Variants in ROR2 observed in about 807,000 individuals in gnomAD.
ROR2 encodes tyrosine-protein kinase transmembrane receptor ROR2.
In ROR2, 33 loss-of-function variants were observed where a neutral mutation model predicts 74.9. The observed-to-expected ratio is 0.44, with a 90% CI of 0.33 to 0.59. The LOEUF is 0.59. Among genes scored for constraint, ROR2 ranks in the 20% least tolerant of loss-of-function variants. ROR2 has a pLI of 0.02. For missense variants in ROR2, 1,216 were observed against 1,313.8 expected, an observed-to-expected ratio of 0.93 and a Z score of 1.15; for synonymous variants, 586 against 558.7, an observed-to-expected ratio of 1.05 and a Z score of -0.69.
At chr9:91,841,712 C>T (rs1395776037) in intron 1 of ROR2, among the ~76,000 whole-genome samples, 1 of 152,200 alleles carries the variant, frequency 6.6e-6, no homozygotes, top group Non-Finnish European at 1.5e-5. Flanking sequence ...CTCCTGGGAG[C>T]AAGCTTTGGC....
intron 1 of ROR2, among the ~76,000 whole-genome samples, chr9:91,779,076 A>G (rs1826519683): frequency 6.6e-6 from 1 of 152,180 alleles, no homozygotes; most frequent in Non-Finnish European, 1.5e-5. Context: ...AAGGGATATT[A>G]GGTAAAAACT....
chr9:91,729,765 G>A (rs1431737078), intron 7 of ROR2, among the ~76,000 whole-genome samples: 1 of 152,166 alleles, frequency 6.6e-6, no homozygotes, highest in East Asian at 1.9e-4. Context: ...TCAACCATCA[G>A]CCACGTGAGC....
intron 1 of ROR2, among the ~76,000 whole-genome samples, chr9:91,798,232 GT>G (rs1827242830): frequency 8.4e-6 from 1 of 119,026 alleles, no homozygotes; most frequent in Non-Finnish European, 1.8e-5. Flanking sequence ...GGCTCTGTGG[GT>G]GGGGCTGACA....
At chr9:91,759,318 T>A (rs1386623725) in intron 2 of ROR2, among the ~76,000 whole-genome samples, 2 of 152,162 alleles carry the variant, frequency 1.3e-5, no homozygotes, top group Non-Finnish European at 2.9e-5. Flanking sequence ...CAGAGACCAC[T>A]ACTTATAATT....
intron 1 of ROR2, among the ~76,000 whole-genome samples, chr9:91,782,804 C>T (rs1190133758): frequency 3.3e-5 from 5 of 151,512 alleles, no homozygotes; most frequent in Admixed American, 3.3e-4. Context: ...GCAGAAGATT[C>T]TCTGGTAGCC....
At chr9:91,807,387 G>T (rs374177649) in intron 1 of ROR2, among the ~76,000 whole-genome samples, 2 of 152,254 alleles carry the variant, frequency 1.3e-5, no homozygotes, top group African/African-American at 4.8e-5. Flanking sequence ...GACCCTTCCA[G>T]ACCTCGCCCT....
intron 2 of ROR2, among the ~76,000 whole-genome samples, chr9:91,769,218 T>C (rs1261028809): frequency 1.3e-5 from 2 of 152,046 alleles, no homozygotes; most frequent in Non-Finnish European, 2.9e-5. Flanking sequence ...CCACAAAATG[T>C]ACCCCTAGCA....
intron 2 of ROR2, among the ~76,000 whole-genome samples, chr9:91,758,655 G>A (rs1409916014): frequency 6.6e-6 from 1 of 152,182 alleles, no homozygotes; most frequent in Non-Finnish European, 1.5e-5. Flanking sequence ...TCCTAAAATA[G>A]GAGCTGGAAA....
At chr9:91,802,548 T>C (rs1409597369) in intron 1 of ROR2, among the ~76,000 whole-genome samples, 1 of 152,242 alleles carries the variant, frequency 6.6e-6, no homozygotes, top group African/African-American at 2.4e-5. Flanking sequence ...GGCAGCAGTT[T>C]CTGTAAACAC....
intron 1 of ROR2, among the ~76,000 whole-genome samples, chr9:91,908,803 G>A (rs1452329669): frequency 6.6e-6 from 1 of 152,046 alleles, no homozygotes; most frequent in African/African-American, 2.4e-5. Flanking sequence ...CAAGCGGAGG[G>A]TGCCAATTAA....
At chr9:91,728,544 C>A (rs1837122912) in intron 7 of ROR2, among the ~76,000 whole-genome samples, 1 of 152,186 alleles carries the variant, frequency 6.6e-6, no homozygotes, top group African/African-American at 2.4e-5. Context: ...GATTCTCCTG[C>A]CTTAGCCTCC....
At chr9:91,948,951 A>G (rs1009652376) in intron 1 of ROR2, 6 of 981,956 alleles carry the variant, frequency 6.1e-6, no homozygotes, top group Non-Finnish European at 7.3e-6. Context: ...CAGGCAACCT[A>G]GGCAGGTCCC....
At chr9:91,872,133 T>C (rs1394547114) in intron 1 of ROR2, among the ~76,000 whole-genome samples, 2 of 152,216 alleles carry the variant, frequency 1.3e-5, no homozygotes, top group Non-Finnish European at 1.5e-5. Flanking sequence ...CAAATAATTA[T>C]AATAAAAAAA....
At chr9:91,829,205 T>C (rs185101772) in intron 1 of ROR2, among the ~76,000 whole-genome samples, 1 of 152,324 alleles carries the variant, frequency 6.6e-6, no homozygotes, top group South Asian at 2.1e-4. Context: ...CAGATTAACA[T>C]GCTCTACCCT....
chr9:91,895,905 T>G (rs1001751459), intron 1 of ROR2, among the ~76,000 whole-genome samples: 5 of 152,324 alleles, frequency 3.3e-5, no homozygotes, highest in Admixed American at 3.3e-4. Flanking sequence ...TAATTGGTAA[T>G]TCAGGCATTT....
At chr9:91,885,200 C>T (rs1251879008) in intron 1 of ROR2, among the ~76,000 whole-genome samples, 1 of 152,164 alleles carries the variant, frequency 6.6e-6, no homozygotes, top group Admixed American at 6.5e-5. Flanking sequence ...AAACTCCTTT[C>T]CAAATGGCAG....
chr9:91,771,064 C>T (rs566306504), intron 2 of ROR2, among the ~76,000 whole-genome samples: 173 of 152,336 alleles, frequency 1.1e-3, no homozygotes, highest in African/African-American at 4.1e-3. Flanking sequence ...TAGCAGGGAA[C>T]AGCCTAGTAA....
intron 1 of ROR2, among the ~76,000 whole-genome samples, chr9:91,830,809 CGTGTGTGTGTGTGTGTGTGTGTGTGT>C (rs34963566): frequency 7.2e-6 from 1 of 139,576 alleles, no homozygotes. Context: ...TAACTGTGTC[CGTGTGTGTGTGTGTGTGTGTGTGTGT>C]GTGTGTGTGT....
intron 1 of ROR2, among the ~76,000 whole-genome samples, chr9:91,793,147 A>G (rs1827056403): frequency 6.6e-6 from 1 of 152,238 alleles, no homozygotes; most frequent in African/African-American, 2.4e-5. Flanking sequence ...ATGAATATAG[A>G]CACGAAAGTC....
Sources: gnomAD v4.1 joint callset for allele counts (sites outside exome capture counted in the v4.1 genomes callset) on GRCh38, gnomAD v4.1.1 for gene constraint, MANE v1.5 for transcripts, NCBI Gene and HGNC (gene_info 2026-07-23, HGNC 2026-07-21) for gene names.